Variants in NAB1 observed in about 807,000 individuals in gnomAD.
NAB1 encodes the protein NGFI-A binding protein 1.
In NAB1, 25 loss-of-function variants were observed where a neutral mutation model predicts 49.9. That is an observed-to-expected ratio of 0.50 (90% confidence interval 0.37 to 0.70). NAB1 has a LOEUF of 0.70. Among genes scored for constraint, NAB1 ranks in the 30% least tolerant of loss-of-function variants. The pLI, the probability that NAB1 is intolerant of heterozygous loss-of-function variation, is 0.00. For synonymous variants in NAB1, 198 were observed against 215.6 expected, an observed-to-expected ratio of 0.92 and a Z score of 0.71; for missense variants, 489 against 575.9, an observed-to-expected ratio of 0.85 and a Z score of 1.54.
rs993913158 is a variant in NAB1 at position 190,684,767 on chromosome 2, C to T, written c.1096-709C>T. Among the ~76,000 whole-genome samples the T allele has an allele frequency of 6.6e-6, 1 of 152,146 alleles. No homozygotes were observed. ...GGCAAAATACCACAAATACACTGCT[C>T]TGAATATCACATATAAGTAATTTAG... On this transcript the variant is annotated intron_variant, in intron 7 of 9. Coordinates refer to ENST00000337386, the MANE Select transcript of NAB1 (RefSeq NM_005966.4). The surrounding 1 kb of genome is among the most constrained non-coding windows in gnomAD (Gnocchi z 4.6).
At position 190,669,460 on chromosome 2, in the gene NAB1, G is replaced by GC. The variant is rs1694691229; in HGVS notation, c.820-865dup. On this transcript the variant is annotated intron_variant, in intron 4 of 9. Transcript: ENST00000337386. The surrounding 1 kb of genome is among the most constrained non-coding windows in gnomAD (Gnocchi z 4.3). ...AAGTACCAAGCCTCTCAAAAGTTTT[G>GC]CATGTCCAGAGTCACAGCTGGTAAA... Among the ~76,000 whole-genome samples, 1 of 152,100 alleles carries GC rather than the reference G, an allele frequency of 6.6e-6. No individual in the cohort carries two copies. The highest frequency in any genetic ancestry group is 1.5e-5 in the Non-Finnish European group (1 of 68,018).
chr2:190,671,280 C>T (rs1352363060), intron 5 of NAB1, among the ~76,000 whole-genome samples: 2 of 152,324 alleles, frequency 1.3e-5, no homozygotes, highest in Non-Finnish European at 2.9e-5. Flanking sequence ...TGAACTTTCA[C>T]AAGCATCCCA....
At position 190,670,760 on chromosome 2, in the gene NAB1, C is replaced by G. The variant is rs1694763487; in HGVS notation, c.953+301C>G. Among the ~76,000 whole-genome samples the G allele has an allele frequency of 6.6e-6, 1 of 152,122 alleles. No homozygotes were observed. The highest frequency in any genetic ancestry group is 1.5e-5 in the Non-Finnish European group (1 of 68,012). On this transcript the variant is annotated intron_variant, in intron 5 of 9. Transcript: ENST00000337386. The surrounding 1 kb of genome is among the most constrained non-coding windows in gnomAD (Gnocchi z 5.3). The stretch of plus-strand genomic sequence containing the variant: ...TTTGAGTGTGACGAGGGGATTTAGT[C>G]AGACAGCATTTATAGACGTATTTGT...
In NAB1 at chr2:190,685,994, C is replaced by T. The variant is rs1285078682; in HGVS notation, c.1258+356C>T. Among the ~76,000 whole-genome samples, 1 of 152,118 alleles carries T rather than the reference C, an allele frequency of 6.6e-6. No homozygotes were observed. The highest frequency in any genetic ancestry group is 2.1e-4 in the South Asian group (1 of 4,828). The stretch of plus-strand genomic sequence containing the variant: ...GACCAAAACTTCATATTTTTTTAGA[C>T]TTCAAAAACAAGTTTGTGAAATTTA... On this transcript the variant is annotated intron_variant, in intron 8 of 9. Coordinates refer to ENST00000337386, the MANE Select transcript of NAB1 (RefSeq NM_005966.4). The surrounding 1 kb of genome is among the most constrained non-coding windows in gnomAD (Gnocchi z 4.5).
In NAB1 at chr2:190,676,613, A is replaced by C. The variant is rs998527588; in HGVS notation, c.1005+3461A>C. Among the ~76,000 whole-genome samples the C allele has an allele frequency of 2.0e-5, 3 of 152,162 alleles. No individual in the cohort carries two copies. Among genetic ancestry groups the C allele is most frequent in the African/African-American group, 7.2e-5 (3 of 41,434 alleles). ...CATGTGCCTGTAGTCCCAGCTAATC[A>C]GGAGGCTGAGGTGGGAGAATCACTG... On this transcript the variant is annotated intron_variant, in intron 6 of 9. Transcript: ENST00000337386. This position sits in a 1 kb window ranked among gnomAD's most constrained non-coding sequence, Gnocchi z 4.6.
intron 4 of NAB1, among the ~76,000 whole-genome samples, chr2:190,668,862 A>G (rs1345566231): frequency 6.6e-6 from 1 of 152,216 alleles, no homozygotes; most frequent in Admixed American, 6.5e-5. Context: ...AACCTTATAT[A>G]TACTGTTCGT....
Position 190,667,419 on chromosome 2 carries a change from C to T in NAB1, c.820-2907C>T, listed in dbSNP as rs1694580024. On this transcript the variant is annotated intron_variant, in intron 4 of 9. Coordinates refer to ENST00000337386, the MANE Select transcript of NAB1 (RefSeq NM_005966.4). The surrounding 1 kb of genome is among the most constrained non-coding windows in gnomAD (Gnocchi z 4.4). ...GCTATTTGAGAATCCTCTTCAAGGT[C>T]ATTTAGCTACTGCCATGCTGAAACT... Among the ~76,000 whole-genome samples the T allele has an allele frequency of 6.6e-6, 1 of 152,144 alleles. No individual in the cohort carries two copies. Among genetic ancestry groups the T allele is most frequent in the African/African-American group, 2.4e-5 (1 of 41,438 alleles).
Position 190,652,326 on chromosome 2 carries a change from G to A in NAB1, c.-197+2344G>A, listed in dbSNP as rs533309413. On this transcript the variant is annotated intron_variant, in intron 2 of 9. Transcript: ENST00000337386. This position sits in a 1 kb window ranked among gnomAD's most constrained non-coding sequence, Gnocchi z 4.2. The stretch of plus-strand genomic sequence containing the variant: ...TGAAAAAAACTTATAAATATTGCCT[G>A]CATACTCTGTGCTCAGTGGGTACTT... Among the ~76,000 whole-genome samples, 19 of 152,322 alleles carry A rather than the reference G, an allele frequency of 1.2e-4. No homozygotes were observed. The South Asian group carries it at 3.7e-3, about 30-fold the overall frequency.
intron 9 of NAB1, among the ~76,000 whole-genome samples, chr2:190,687,608 A>G (rs1180392339): frequency 6.6e-6 from 1 of 152,144 alleles, no homozygotes; most frequent in Non-Finnish European, 1.5e-5. Context: ...CTCAAAATCC[A>G]TAGCACTTCC....
Position 190,659,667 on chromosome 2 carries a change from A to C in NAB1, c.491A>C (p.His164Pro). The change falls in exon 4 of 10, where the codon CAC becomes CCC. Residue 164 changes from histidine (H) to proline (P), a missense_variant. Physicochemically the swap from His to Pro is moderately conservative, Grantham distance 77. Around this residue, in one of 4 missense-constraint regions of NAB1, gnomAD observed 204 missense variants for 220.9 expected, o/e 0.92. Transcript: ENST00000337386. This position sits in a 1 kb window ranked among gnomAD's most constrained non-coding sequence, Gnocchi z 6.2. ...GGTGAGTCCAGACTCTGGCAAGGCC[A>C]CCATGCCACTGAGAGCGAGCACAGC... The part of the protein sequence containing the change: ...SVGESRLWQG[H>P]HATESEHSLS... The C allele has an allele frequency of 6.2e-7, 1 of 1,613,860 alleles. No homozygotes were observed. The highest frequency in any genetic ancestry group is 8.5e-7 in the Non-Finnish European group (1 of 1,180,018).
rs1694079300 is a variant in NAB1 at position 190,659,035 on chromosome 2, C to T, written c.-19-123C>T. The T allele has an allele frequency of 3.1e-6, 2 of 640,634 alleles. No individual in the cohort carries two copies. The highest frequency in any genetic ancestry group is 4.1e-4 in the Middle Eastern group (1 of 2,456). The allele number at this position is 640,634 out of a possible 1,614,324, so 39.7% of individuals were successfully genotyped here. On this transcript the variant is annotated intron_variant, in intron 3 of 9. Transcript: ENST00000337386. This position sits in a 1 kb window ranked among gnomAD's most constrained non-coding sequence, Gnocchi z 6.2. Reference sequence around the variant, plus strand: ...AAGTATGTAGAGAGAATGCTGCCTTCACAGGCAGTCACGATGCAGATGCTT... The same window carrying T: ...AAGTATGTAGAGAGAATGCTGCCTTTACAGGCAGTCACGATGCAGATGCTT...
At position 190,667,372 on chromosome 2, in the gene NAB1, AAAAT is replaced by A. The variant is rs1694577171; in HGVS notation, c.820-2949_820-2946del. Among the ~76,000 whole-genome samples, 1 of 152,250 alleles carries A rather than the reference AAAAT, an allele frequency of 6.6e-6. No homozygotes were observed. The highest frequency in any genetic ancestry group is 1.5e-5 in the Non-Finnish European group (1 of 68,046). ...TAGTAATTTAGATTTATTAATATGA[AAAAT>A]AAATCGCTACATAAAAAGCTATTTG... On this transcript the variant is annotated intron_variant, in intron 4 of 9. Transcript: ENST00000337386. This position sits in a 1 kb window ranked among gnomAD's most constrained non-coding sequence, Gnocchi z 4.4.
chr2:190,659,416 G>C lies in NAB1; in HGVS notation c.240G>C (p.Gly80=). The change falls in exon 4 of 10, where the codon GGG becomes GGC. Residue 80 remains glycine, a synonymous_variant. Transcript: ENST00000337386. The surrounding 1 kb of genome is among the most constrained non-coding windows in gnomAD (Gnocchi z 6.2). ...TGAGAGACTGGGTCACAAACCCTGG[G>C]CTTTTCAATCAGCCACTGACTTCCC... ...KALRDWVTNP[G]LFNQPLTSLP... is the part of the protein sequence containing the mutation. 1 of 1,614,086 alleles carries C rather than the reference G, an allele frequency of 6.2e-7. No individual in the cohort carries two copies. The highest frequency in any genetic ancestry group is 8.5e-7 in the Non-Finnish European group (1 of 1,180,032).
At chr2:190,668,631 C>G (rs13406868) in intron 4 of NAB1, among the ~76,000 whole-genome samples, 15,983 of 152,036 alleles carry the variant, frequency 0.11, 1,439 homozygotes, top group African/African-American at 0.23. Context: ...TATATGTACA[C>G]TGAAATATTG....
chr2:190,653,038 C>A (rs1574412308), intron 2 of NAB1, among the ~76,000 whole-genome samples: 1 of 152,312 alleles, frequency 6.6e-6, no homozygotes, highest in South Asian at 2.1e-4. Flanking sequence ...AATTCTTCTT[C>A]CAGTGTGGCT....
intron 6 of NAB1, among the ~76,000 whole-genome samples, chr2:190,681,692 G>A (rs1424851957): frequency 6.6e-6 from 1 of 152,050 alleles, no homozygotes; most frequent in Non-Finnish European, 1.5e-5. Context: ...TCATGTCTTT[G>A]AATTTTAAAA....
At position 190,680,433 on chromosome 2, in the gene NAB1, C is replaced by G. The variant is rs1373692626; in HGVS notation, c.1006-3305C>G. Among the ~76,000 whole-genome samples, 1 of 152,160 alleles carries G rather than the reference C, an allele frequency of 6.6e-6. No individual in the cohort carries two copies. The highest frequency in any genetic ancestry group is 1.5e-5 in the Non-Finnish European group (1 of 68,032). ...GCTGCTTTCTTTTGGAACTCTCAGC[C>G]TAGACACCCTGGCCTCTGGGATGCC... On this transcript the variant is annotated intron_variant, in intron 6 of 9. Transcript: ENST00000337386. The surrounding 1 kb of genome is among the most constrained non-coding windows in gnomAD (Gnocchi z 5.2).
chr2:190,664,526 TTTCCTTCCTTCCTTCCTTCC>T (rs112074461), intron 4 of NAB1, among the ~76,000 whole-genome samples: 5 of 127,564 alleles, frequency 3.9e-5, no homozygotes, highest in Admixed American at 2.6e-4. Flanking sequence ...TCTTTTCTTT[TTTCCTTCCTTCCTTCCTTCC>T]TTCCTTCCTT....
chr2:190,687,144 A>T, intron 8 of NAB1, 57 bp from the exon 9 acceptor site: 1 of 1,161,610 alleles, frequency 8.6e-7, no homozygotes, highest in Non-Finnish European at 1.2e-6. Flanking sequence ...ATTTATTTTT[A>T]AGAAAAACCA....
Sources: gnomAD v4.1 joint callset for allele counts (sites outside exome capture counted in the v4.1 genomes callset) on GRCh38, gnomAD v4.1.1 for gene constraint, gnomAD v4.1.1 regional missense constraint, Gnocchi (gnomAD v3.1) non-coding constraint, MANE v1.5 for transcripts, NCBI Gene and HGNC (gene_info 2026-07-23, HGNC 2026-07-21) for gene names.